ZNF438: variants seen among roughly 807,000 people sequenced by gnomAD.
ZNF438 encodes zinc finger protein 438.
In ZNF438, 25 loss-of-function variants were observed where a neutral mutation model predicts 38.0. The observed-to-expected ratio is 0.66, with a 90% CI of 0.48 to 0.92. The LOEUF (loss-of-function observed/expected upper bound fraction) is 0.92, where lower values mean the gene tolerates loss of function less well. Ranked by LOEUF, ZNF438 falls within the 40% of genes least tolerant of loss-of-function variation. ZNF438 has a pLI of 0.00. For synonymous variants in ZNF438, 372 were observed against 364.1 expected (o/e 1.02, Z -0.25); for missense variants, 1,007 against 999.6 (o/e 1.01, Z -0.10).
intron 1 of ZNF438, among the ~76,000 whole-genome samples, chr10:31,013,136 G>A (rs2055869683): frequency 6.6e-6 from 1 of 152,044 alleles, no homozygotes; most frequent in Admixed American, 6.5e-5. Context: ...CGGCTAAAAC[G>A]GCGAAACCCC....
rs756517862 is a variant in ZNF438, at chr10:30,845,583, C to T, written c.1875-10G>A. Reference sequence around the variant, plus strand: ...GTTGGACTTGTTTTCCCTGAAAAGGCCAATAATAATGAAGATAAGATTTCA... The same window carrying T: ...GTTGGACTTGTTTTCCCTGAAAAGGTCAATAATAATGAAGATAAGATTTCA... On this transcript the variant is annotated splice_polypyrimidine_tract_variant and intron_variant, in intron 5 of 5. Transcript: ENST00000413025. 3 of 1,600,148 alleles carry T rather than the reference C, an allele frequency of 1.9e-6. No homozygotes were observed. Among genetic ancestry groups the T allele is most frequent in the Non-Finnish European group, 2.6e-6 (3 of 1,174,472 alleles).
intron 3 of ZNF438, among the ~76,000 whole-genome samples, chr10:30,884,996 G>T (rs2039763678): frequency 6.6e-6 from 1 of 152,206 alleles, no homozygotes. Context: ...GCTCTTGTAT[G>T]TGTATGTGGC....
chr10:30,989,415 A>G (rs982104884), intron 1 of ZNF438, among the ~76,000 whole-genome samples: 2 of 152,228 alleles, frequency 1.3e-5, no homozygotes, highest in African/African-American at 2.4e-5. Flanking sequence ...ACTTCTTTTA[A>G]AGAAGAACAG....
At chr10:30,985,163 C>G (rs1326889908) in intron 1 of ZNF438, among the ~76,000 whole-genome samples, 1 of 151,928 alleles carries the variant, frequency 6.6e-6, no homozygotes, top group Non-Finnish European at 1.5e-5. Context: ...AAGACAGCAC[C>G]CAGGCACCAT....
At chr10:30,938,217 C>T (rs1340340057) in intron 2 of ZNF438, among the ~76,000 whole-genome samples, 3 of 152,058 alleles carry the variant, frequency 2.0e-5, no homozygotes, top group Non-Finnish European at 4.4e-5. Flanking sequence ...GCTTTGTTTG[C>T]TTGTGTTGCC....
chr10:30,870,635 T>C lies in ZNF438; in HGVS notation c.37+6363A>G, dbSNP rs79045166. On this transcript the variant is annotated intron_variant, in intron 4 of 5. Coordinates refer to ENST00000413025, the Ensembl canonical transcript of ZNF438. The stretch of plus-strand genomic sequence containing the variant: ...GAGTTCAATGTTAAAAAATTAACCC[T>C]GTCTATTAAATAAAGTATCTTTTAA... 8.2e-3 allele frequency among the ~76,000 whole-genome samples: 1,251 copies of C among 152,288 alleles called. 14 individuals are homozygous for C. Among genetic ancestry groups the C allele is most frequent in the African/African-American group, 0.028 (1,152 of 41,554 alleles).
chr10:30,874,108 GTGTGTGTA>G (rs2037960453), intron 4 of ZNF438, among the ~76,000 whole-genome samples: 15 of 108,276 alleles, frequency 1.4e-4, no homozygotes, highest in African/African-American at 5.5e-4. Flanking sequence ...GTGGGGGTGT[GTGTGTGTA>G]TATATATATA....
chr10:30,941,946 A>C (rs2046857983), intron 1 of ZNF438, among the ~76,000 whole-genome samples: 1 of 152,238 alleles, frequency 6.6e-6, no homozygotes, highest in South Asian at 2.1e-4. Flanking sequence ...AATTATTTAA[A>C]ATTTAGCTGG....
intron 4 of ZNF438, among the ~76,000 whole-genome samples, chr10:30,867,312 C>T (rs1410318104): frequency 8.6e-6 from 1 of 115,778 alleles, no homozygotes; most frequent in Non-Finnish European, 1.8e-5. Context: ...CAATGCCAGT[C>T]TTCTCATTAT....
exon 5 of ZNF438, chr10:30,850,304 A>C: frequency 6.2e-7 from 1 of 1,614,196 alleles, no homozygotes; most frequent in Non-Finnish European, 8.5e-7. Context: ...AATGGTCCTA[A>C]ACTGACTCTT....
At chr10:31,030,379 T>G (rs2057208644) in intron 1 of ZNF438, among the ~76,000 whole-genome samples, 1 of 152,218 alleles carries the variant, frequency 6.6e-6, no homozygotes, top group South Asian at 2.1e-4. Flanking sequence ...GAGGCTGTCT[T>G]CTTTGCTGCT....
chr10:30,879,070 C>A lies in ZNF438; in HGVS notation c.-31-2005G>T, dbSNP rs190168866. ...AAGAGAGCTACACACAGACACAGCA[C>A]AACAGAGAGGGTCCTCGCTGGGTTA... On this transcript the variant is annotated intron_variant, in intron 3 of 5. Coordinates refer to ENST00000413025, the Ensembl canonical transcript of ZNF438. 3.9e-5 allele frequency among the ~76,000 whole-genome samples: 6 copies of A among 152,288 alleles called. No homozygotes were observed. The East Asian group carries it at 1.2e-3, about 29-fold the overall frequency.
At chr10:30,949,830 C>T (rs1162447722) in intron 1 of ZNF438, among the ~76,000 whole-genome samples, 3 of 151,770 alleles carry the variant, frequency 2.0e-5, no homozygotes. Flanking sequence ...CAACATTAGA[C>T]AGATCAACGA....
At chr10:30,914,484 A>C (rs913023759) in intron 2 of ZNF438, among the ~76,000 whole-genome samples, 2 of 151,988 alleles carry the variant, frequency 1.3e-5, no homozygotes, top group African/African-American at 4.8e-5. Flanking sequence ...AAACTAGGAA[A>C]ATCTGAATAA....
At chr10:30,898,135 G>GT (rs1464536750) in intron 3 of ZNF438, among the ~76,000 whole-genome samples, 2 of 152,240 alleles carry the variant, frequency 1.3e-5, no homozygotes, top group East Asian at 1.9e-4. Context: ...ATTTCAAGAG[G>GT]TAAGAAATTG....
At chr10:31,027,820 T>C (rs2057039080) in intron 1 of ZNF438, among the ~76,000 whole-genome samples, 1 of 152,166 alleles carries the variant, frequency 6.6e-6, no homozygotes, top group Non-Finnish European at 1.5e-5. Flanking sequence ...GATCTGGTTA[T>C]TTAGATACTT....
At chr10:30,859,263 T>A (rs942642534) in intron 4 of ZNF438, among the ~76,000 whole-genome samples, 1 of 152,078 alleles carries the variant, frequency 6.6e-6, no homozygotes, top group African/African-American at 2.4e-5. Flanking sequence ...TGTATTTTTT[T>A]ATATATTGTT....
chr10:30,929,354 T>TG (rs1348261998), intron 2 of ZNF438, among the ~76,000 whole-genome samples: 1 of 152,176 alleles, frequency 6.6e-6, no homozygotes, highest in East Asian at 1.9e-4. Flanking sequence ...GTGGTCTGGC[T>TG]GGTTTCAGGA....
At chr10:30,868,656 T>C (rs1001484115) in intron 4 of ZNF438, among the ~76,000 whole-genome samples, 1 of 152,260 alleles carries the variant, frequency 6.6e-6, no homozygotes, top group African/African-American at 2.4e-5. Flanking sequence ...TAAATACCCC[T>C]GTCAAACTAC....
Sources: gnomAD v4.1 joint callset for allele counts (sites outside exome capture counted in the v4.1 genomes callset) on GRCh38, gnomAD v4.1.1 for gene constraint, MANE v1.5 for transcripts, NCBI Gene and HGNC (gene_info 2026-07-23, HGNC 2026-07-21) for gene names.